TGFBR2: variants seen among roughly 807,000 people sequenced by gnomAD.
The protein encoded by TGFBR2 is TGF-beta receptor type-2.
A neutral mutation model predicts 49.0 loss-of-function variants in TGFBR2; 18 were observed. The ratio of observed to expected loss-of-function variants is 0.37; its 90% CI spans 0.25 to 0.54. The LOEUF (loss-of-function observed/expected upper bound fraction) is 0.54, where lower values mean the gene tolerates loss of function less well. Ranked by LOEUF, TGFBR2 falls within the 20% of genes least tolerant of loss-of-function variation. TGFBR2 has a pLI of 0.85. For missense variants in TGFBR2, 525 were observed against 722.6 expected, an observed-to-expected ratio of 0.73 and a Z score of 3.13; for synonymous variants, 282 against 275.9, an observed-to-expected ratio of 1.02 and a Z score of -0.22.
chr3:30,681,551 C>T (rs181573689), intron 5 of TGFBR2, among the ~76,000 whole-genome samples: 69 of 152,164 alleles, frequency 4.5e-4, no homozygotes, highest in African/African-American at 1.5e-3. Flanking sequence ...AAAGAAGCTG[C>T]GAGGGCCGGG....
At chr3:30,611,048 T>C (rs1037996839) in intron 1 of TGFBR2, among the ~76,000 whole-genome samples, 1 of 152,238 alleles carries the variant, frequency 6.6e-6, no homozygotes, top group Non-Finnish European at 1.5e-5. Context: ...TTGAGGTAAA[T>C]GTCTCCTATG....
intron 3 of TGFBR2, among the ~76,000 whole-genome samples, chr3:30,655,533 C>T (rs1698978096): frequency 6.6e-6 from 1 of 152,194 alleles, no homozygotes; most frequent in African/African-American, 2.4e-5. Flanking sequence ...GACTCAGAAT[C>T]ACAGCAGGAA....
intron 3 of TGFBR2, among the ~76,000 whole-genome samples, chr3:30,666,940 G>A (rs749794): frequency 0.64 from 97,154 of 151,738 alleles, 31,734 homozygotes; most frequent in Non-Finnish European, 0.7. Context: ...CCAGCCTAAG[G>A]TCATTGCCAT....
intron 5 of TGFBR2, among the ~76,000 whole-genome samples, chr3:30,688,100 G>C (rs566594970): frequency 3.3e-5 from 5 of 152,142 alleles, no homozygotes; most frequent in Non-Finnish European, 7.3e-5. Flanking sequence ...TAAAACCTAA[G>C]CTCCGTGACC....
intron 2 of TGFBR2, 48 bp from the exon 3 acceptor site, chr3:30,650,220 CTT>C (rs1698853275): frequency 2.5e-6 from 4 of 1,574,448 alleles, no homozygotes; most frequent in South Asian, 2.2e-5. Flanking sequence ...CATTTATTCT[CTT>C]TCTCTCTCTC....
intron 5 of TGFBR2, among the ~76,000 whole-genome samples, chr3:30,685,316 A>G (rs1271378309): frequency 1.3e-5 from 2 of 152,192 alleles, no homozygotes; most frequent in Non-Finnish European, 2.9e-5. Context: ...GGGCTACATC[A>G]AGGCTTCCCC....
At chr3:30,607,946 A>AT (rs371844015) in intron 1 of TGFBR2, among the ~76,000 whole-genome samples, 1,550 of 141,958 alleles carry the variant, frequency 0.011, 20 homozygotes, top group African/African-American at 0.032. Flanking sequence ...CAAAAGTTAG[A>AT]TTTTTTTTTT....
At chr3:30,633,100 T>C (rs1408011368) in intron 1 of TGFBR2, among the ~76,000 whole-genome samples, 1 of 152,212 alleles carries the variant, frequency 6.6e-6, no homozygotes. Context: ...TCTATTTCAT[T>C]GTGGAGTATC....
chr3:30,661,318 G>A (rs891624323), intron 3 of TGFBR2, among the ~76,000 whole-genome samples: 1 of 152,200 alleles, frequency 6.6e-6, no homozygotes, highest in Admixed American at 6.5e-5. Flanking sequence ...GGACAGATGT[G>A]TCATCATTTC....
chr3:30,644,918 A>T lies in TGFBR2; in HGVS notation c.263+3A>T. The T allele has an allele frequency of 6.2e-7, 1 of 1,613,610 alleles. No individual in the cohort carries two copies. Among genetic ancestry groups the T allele is most frequent in the Non-Finnish European group, 8.5e-7 (1 of 1,179,552 alleles). On this transcript the variant is annotated splice_donor_region_variant and intron_variant, in intron 2 of 6. Coordinates refer to ENST00000295754, the MANE Select transcript of TGFBR2 (RefSeq NM_003242.6). ...CAGGAAGTCTGTGTGGCTGTATGGT[A>T]AGCAAGCCTTTTAAGAAGTTATTCT...
rs902367775 is a variant in TGFBR2 at position 30,618,671 on chromosome 3, G to C, written c.94+11694G>C. 2.6e-5 allele frequency among the ~76,000 whole-genome samples: 4 copies of C among 152,136 alleles called. No individual in the cohort carries two copies. In the East Asian group the frequency reaches 7.7e-4, roughly 29 times the overall value. On this transcript the variant is annotated intron_variant, in intron 1 of 6. Transcript: ENST00000295754. ...TTATACCACAGCATTTCTTAAAATAGGTAGCACTCTGCTCTATACAAAGTA... is the reference window on the plus strand; with the variant it reads ...TTATACCACAGCATTTCTTAAAATACGTAGCACTCTGCTCTATACAAAGTA...
intron 1 of TGFBR2, among the ~76,000 whole-genome samples, chr3:30,642,166 G>A (rs750682986): frequency 6.6e-6 from 1 of 152,086 alleles, no homozygotes; most frequent in African/African-American, 2.4e-5. Context: ...TGGCCAGCAC[G>A]GAGAAGAATT....
chr3:30,666,892 C>G (rs956461280), intron 3 of TGFBR2, among the ~76,000 whole-genome samples: 1 of 151,890 alleles, frequency 6.6e-6, no homozygotes, highest in East Asian at 1.9e-4. Context: ...GTGATTCTCC[C>G]GCCAAAGTGC....
At chr3:30,641,435 G>A (rs2125401794) in intron 1 of TGFBR2, among the ~76,000 whole-genome samples, 1 of 152,222 alleles carries the variant, frequency 6.6e-6, no homozygotes, top group East Asian at 1.9e-4. Flanking sequence ...AGGGCTACCT[G>A]GAATTGTTAA....
intron 1 of TGFBR2, among the ~76,000 whole-genome samples, chr3:30,622,532 A>G (rs1455468180): frequency 1.3e-5 from 2 of 152,048 alleles, no homozygotes; most frequent in Non-Finnish European, 2.9e-5. Context: ...AAATAATATT[A>G]AAGGCAAAAA....
chr3:30,674,365 A>G, intron 5 of TGFBR2, 119 bp downstream of exon 5: 1 of 1,338,762 alleles, frequency 7.5e-7, no homozygotes, highest in Non-Finnish European at 1.1e-6. Flanking sequence ...TTGAGATCTG[A>G]TATTATACAA....
At chr3:30,636,241 C>T (rs1316019686) in intron 1 of TGFBR2, among the ~76,000 whole-genome samples, 1 of 150,914 alleles carries the variant, frequency 6.6e-6, no homozygotes, top group Non-Finnish European at 1.5e-5. Flanking sequence ...GCACCCGGCC[C>T]GTACTAGGTA....
At chr3:30,621,401 C>T (rs1025871995) in intron 1 of TGFBR2, among the ~76,000 whole-genome samples, 1 of 150,980 alleles carries the variant, frequency 6.6e-6, no homozygotes, top group African/African-American at 2.4e-5. Context: ...CTGCCTCAGC[C>T]TCCCGAGTAG....
At chr3:30,663,501 A>G (rs1699184389) in intron 3 of TGFBR2, among the ~76,000 whole-genome samples, 2 of 152,180 alleles carry the variant, frequency 1.3e-5, no homozygotes, top group African/African-American at 2.4e-5. Context: ...TGGTGTTTTT[A>G]TTGTAGGAAG....
Sources: gnomAD v4.1 joint callset for allele counts (sites outside exome capture counted in the v4.1 genomes callset) on GRCh38, gnomAD v4.1.1 for gene constraint, MANE v1.5 for transcripts, NCBI Gene and HGNC (gene_info 2026-07-23, HGNC 2026-07-21) for gene names.